Variants in USP49 observed in about 807,000 individuals in gnomAD.
The protein encoded by USP49 is ubiquitin carboxyl-terminal hydrolase 49.
In USP49, 24 loss-of-function variants were observed where a neutral mutation model predicts 58.6. The observed-to-expected ratio is 0.41, with a 90% confidence interval of 0.30 to 0.58. USP49 has a LOEUF of 0.58. Among genes scored for constraint, USP49 ranks in the 20% least tolerant of loss-of-function variants. The pLI is 0.30. For missense variants in USP49, 703 were observed against 866.1 expected, an observed-to-expected ratio of 0.81 and a Z score of 2.36; for synonymous variants, 408 against 365.1, an observed-to-expected ratio of 1.12 and a Z score of -1.34.
Position 41,806,383 on chromosome 6 carries a change from C to T in USP49, c.601G>A (p.Ala201Thr), listed in dbSNP as rs2127324308. ...EVKRRLLEEL[A>T]STPPRKSARL... ...GCACTCTTGCGCGGAGGGGTGCTGG[C>T]CAGCTCCTCCAGCAGCCGCCGTTTC... The change falls in exon 4 of 8, where the codon GCC becomes ACC. Residue 201 changes from alanine (A) to threonine (T), a missense_variant. This residue lies in a region of USP49 where 376 missense variants were observed against 373.5 expected (regional missense o/e 1.01). Coordinates refer to ENST00000682992, the MANE Select transcript of USP49 (RefSeq NM_001286554.2). This position sits in a 1 kb window ranked among gnomAD's most constrained non-coding sequence, Gnocchi z 5.9. 3 of 1,549,170 alleles carry T rather than the reference C, an allele frequency of 1.9e-6. No homozygotes were observed. The highest frequency in any genetic ancestry group is 1.4e-5 in the African/African-American group (1 of 73,808).
At chr6:41,860,001 T>G (rs1228250231) in intron 3 of USP49, among the ~76,000 whole-genome samples, 3 of 152,182 alleles carry the variant, frequency 2.0e-5, no homozygotes, top group Non-Finnish European at 4.4e-5. Context: ...CCGAAGACTG[T>G]CATGAATTAG....
chr6:41,876,735 A>C (rs1271052819), intron 2 of USP49, among the ~76,000 whole-genome samples: 3 of 152,232 alleles, frequency 2.0e-5, no homozygotes, highest in Non-Finnish European at 4.4e-5. Context: ...AAACAGCCCA[A>C]ATGCCTTGGA....
chr6:41,806,425 T>C lies in USP49; in HGVS notation c.559A>G (p.Arg187Gly). ...ALERKKEEARRRRREVKRRLL... is the reference protein window; with the variant it reads ...ALERKKEEARGRRREVKRRLL... ...CGCCGTTTCACCTCGCGCCGCCGCC[T>C]CCGCGCCTCCTCCTTCTTGCGCTCC... Residue 187 changes from arginine to glycine, a missense_variant, in exon 4 of 8, where the codon AGG becomes GGG. Arg to Gly is a moderately radical substitution (Grantham distance 125, BLOSUM62 -2). This residue lies in a region of USP49 where 376 missense variants were observed against 373.5 expected (regional missense o/e 1.01). Transcript: ENST00000682992. This position sits in a 1 kb window ranked among gnomAD's most constrained non-coding sequence, Gnocchi z 5.9. The C allele has an allele frequency of 2.5e-6, 4 of 1,580,014 alleles. No homozygotes were observed. The highest frequency in any genetic ancestry group is 2.6e-6 in the Non-Finnish European group (3 of 1,171,390).
chr6:41,831,085 C>T (rs961393562), intron 3 of USP49, among the ~76,000 whole-genome samples: 13 of 151,978 alleles, frequency 8.6e-5, no homozygotes, highest in South Asian at 6.2e-4. Context: ...GGTGAAACCC[C>T]GTTTCTACTA....
At chr6:41,823,799 C>T (rs751160105) in intron 3 of USP49, among the ~76,000 whole-genome samples, 1 of 152,074 alleles carries the variant, frequency 6.6e-6, no homozygotes, top group Non-Finnish European at 1.5e-5. Context: ...CAATATCCAA[C>T]CAACCTCTCT....
At chr6:41,798,558 G>A (rs934123745) in intron 7 of USP49, 166 bp downstream of exon 7, 8 of 1,531,028 alleles carry the variant, frequency 5.2e-6, no homozygotes, top group Non-Finnish European at 7.0e-6. Context: ...TTACAGGTGT[G>A]AGCCACGGCG....
chr6:41,796,659 G>A lies in USP49; in HGVS notation c.1941C>T (p.Thr647=). ...NVCSVEEVCK[T]QAYILFYTQR... is the part of the protein sequence containing the mutation. Reference sequence around the variant, plus strand: ...GAGTGTAAAAAAGGATGTAGGCCTGGGTTTTGCACACTTCCTCGACACTGC... The same window carrying A: ...GAGTGTAAAAAAGGATGTAGGCCTGAGTTTTGCACACTTCCTCGACACTGC... Residue 647 remains threonine, a synonymous_variant, in exon 8 of 8, where the codon ACC becomes ACT. Coordinates refer to ENST00000682992, the MANE Select transcript of USP49 (RefSeq NM_001286554.2). 3 of 717,448 alleles carry A rather than the reference G, an allele frequency of 4.2e-6. No individual in the cohort carries two copies. Among genetic ancestry groups the A allele is most frequent in the East Asian group, 5.4e-5 (2 of 37,282 alleles). The allele number at this position is 717,448 out of a possible 1,614,324, so 44.4% of individuals were successfully genotyped here.
At chr6:41,886,763 G>A (rs1774719081) in intron 2 of USP49, among the ~76,000 whole-genome samples, 1 of 152,170 alleles carries the variant, frequency 6.6e-6, no homozygotes, top group African/African-American at 2.4e-5. Context: ...GTCGGGCGTG[G>A]TGGTGCATGC....
chr6:41,806,380 T>C lies in USP49; in HGVS notation c.604A>G (p.Ser202Gly). The C allele has an allele frequency of 6.5e-7, 1 of 1,546,832 alleles. No homozygotes were observed. The highest frequency in any genetic ancestry group is 8.6e-7 in the Non-Finnish European group (1 of 1,156,310). Reference sequence around the variant, plus strand: ...CGTGCACTCTTGCGCGGAGGGGTGCTGGCCAGCTCCTCCAGCAGCCGCCGT... The same window carrying C: ...CGTGCACTCTTGCGCGGAGGGGTGCCGGCCAGCTCCTCCAGCAGCCGCCGT... ...VKRRLLEELASTPPRKSARLL... is the reference protein window; with the variant it reads ...VKRRLLEELAGTPPRKSARLL... The change falls in exon 4 of 8, where the codon AGC becomes GGC. Residue 202 changes from serine to glycine, a missense_variant. This residue lies in a region of USP49 where 376 missense variants were observed against 373.5 expected (regional missense o/e 1.01). Transcript: ENST00000682992. The surrounding 1 kb of genome is among the most constrained non-coding windows in gnomAD (Gnocchi z 5.9).
At chr6:41,851,952 C>CAAAAAAAA (rs67716441) in intron 3 of USP49, among the ~76,000 whole-genome samples, 62 of 54,854 alleles carry the variant, frequency 1.1e-3, no homozygotes, top group Middle Eastern at 0.018. Context: ...AGACTCGTCT[C>CAAAAAAAA]AAAAAAAAAA....
At chr6:41,874,425 A>G (rs1449785830) in intron 2 of USP49, among the ~76,000 whole-genome samples, 1 of 152,226 alleles carries the variant, frequency 6.6e-6, no homozygotes, top group Non-Finnish European at 1.5e-5. Flanking sequence ...CTGCCAAACA[A>G]TAACAATGAT....
At chr6:41,822,550 A>T (rs1773469456) in intron 3 of USP49, among the ~76,000 whole-genome samples, 1 of 152,172 alleles carries the variant, frequency 6.6e-6, no homozygotes, top group African/African-American at 2.4e-5. Context: ...TTTTGCATGA[A>T]TGAAGACAAC....
At position 41,806,902 on chromosome 6, in the gene USP49, C is replaced by G; in HGVS notation, c.82G>C (p.Glu28Gln). The G allele has an allele frequency of 6.2e-7, 1 of 1,614,024 alleles. No homozygotes were observed. The highest frequency in any genetic ancestry group is 8.5e-7 in the Non-Finnish European group (1 of 1,180,014). The stretch of plus-strand genomic sequence containing the variant: ...CACACGGACTCGGTGGTGGCACACT[C>G]TAAGCAGCACCACTTCTGAGGGTTC... Reference protein sequence around the residue: ...ILNPQKWCCLECATTESVWAC... With the variant: ...ILNPQKWCCLQCATTESVWAC... Residue 28 changes from glutamate (E) to glutamine (Q), a missense_variant, in exon 4 of 8, where the codon GAG (glutamate) becomes CAG (glutamine). Around this residue, in one of 6 missense-constraint regions of USP49, gnomAD observed 376 missense variants for 373.5 expected, o/e 1.01. Coordinates refer to ENST00000682992, the MANE Select transcript of USP49 (RefSeq NM_001286554.2). This position sits in a 1 kb window ranked among gnomAD's most constrained non-coding sequence, Gnocchi z 5.9.
chr6:41,798,685 T>C, intron 7 of USP49, 39 bp downstream of exon 7: 2 of 1,613,422 alleles, frequency 1.2e-6, no homozygotes, highest in Non-Finnish European at 1.7e-6. Context: ...AATCAACCCC[T>C]TTCCGTGTCC....
chr6:41,886,098 T>C (rs996039693), intron 2 of USP49, among the ~76,000 whole-genome samples: 1 of 152,236 alleles, frequency 6.6e-6, no homozygotes, highest in Non-Finnish European at 1.5e-5. Context: ...TGACCATATT[T>C]AACTTTTTTA....
chr6:41,861,862 C>A (rs1277361963), intron 3 of USP49, among the ~76,000 whole-genome samples: 1 of 152,076 alleles, frequency 6.6e-6, no homozygotes, highest in African/African-American at 2.4e-5. Flanking sequence ...CCATGCCCGG[C>A]TAATTTTTTT....
rs1381493233 is a variant in USP49 at position 41,796,597 on chromosome 6, G to A, written c.2003C>T (p.Thr668Ile). ...TVQGNARISE[T>I]HLQAQVQSSN... ...GGACTGCACCTGAGCTTGGAGATGGGTTTCTGAGATTCTTGCATTGCCCTG... is the reference window on the plus strand; with the variant it reads ...GGACTGCACCTGAGCTTGGAGATGGATTTCTGAGATTCTTGCATTGCCCTG... The change falls in exon 8 of 8, where the codon ACC (threonine) becomes ATC (isoleucine). Residue 668 changes from threonine to isoleucine, a missense_variant. By Grantham distance (89) the Thr-to-Ile change is moderately conservative. Transcript: ENST00000682992. The A allele has an allele frequency of 2.8e-6, 2 of 717,486 alleles. No homozygotes were observed. The highest frequency in any genetic ancestry group is 5.2e-6 in the Non-Finnish European group (2 of 385,106). 44.4% of individuals were successfully genotyped at this position (717,486 alleles called of 1,614,324 possible).
At chr6:41,817,650 G>A (rs1381069494) in intron 3 of USP49, among the ~76,000 whole-genome samples, 2 of 151,012 alleles carry the variant, frequency 1.3e-5, no homozygotes, top group African/African-American at 4.9e-5. Context: ...GAATCTCGCT[G>A]TGTCATCTAG....
intron 2 of USP49, among the ~76,000 whole-genome samples, chr6:41,883,053 G>C (rs748827689): frequency 3.3e-5 from 5 of 151,930 alleles, no homozygotes; most frequent in Non-Finnish European, 7.4e-5. Flanking sequence ...AAATCAACAA[G>C]AAAAATACAG....
Sources: allele counts gnomAD v4.1 joint callset (sites outside exome capture counted in the v4.1 genomes callset), GRCh38; gene constraint gnomAD v4.1.1; regional missense constraint gnomAD v4.1.1; non-coding constraint Gnocchi (gnomAD v3.1); transcripts MANE v1.5; gene names NCBI Gene and HGNC (gene_info 2026-07-23, HGNC 2026-07-21).